PAK2: variants seen among roughly 807,000 people sequenced by gnomAD.
PAK2 encodes p21 (RAC1) activated kinase 2.
PAK2 carries 21 observed loss-of-function variants against 65.9 expected under a neutral mutation model. The ratio of observed to expected loss-of-function variants is 0.32; its 90% CI spans 0.23 to 0.46. PAK2 has a LOEUF of 0.46. Among genes scored for constraint, PAK2 ranks in the 20% least tolerant of loss-of-function variants. The pLI is 1.00. For synonymous variants in PAK2, 204 were observed against 219.7 expected, an observed-to-expected ratio of 0.93 and a Z score of 0.63; for missense variants, 324 against 642.6, an observed-to-expected ratio of 0.50 and a Z score of 5.36.
At chr3:196,755,568 C>T (rs145045266) in intron 1 of PAK2, among the ~76,000 whole-genome samples, 142 of 151,910 alleles carry the variant, frequency 9.3e-4, no homozygotes, top group African/African-American at 3.2e-3. Flanking sequence ...AAGTGACTCT[C>T]CTGCCTTAGC....
chr3:196,762,429 C>G lies in PAK2; in HGVS notation c.-21-20197C>G, dbSNP rs1354906250. ...ACCATTGAGCACTGAGTGAACGAGA[C>G]TCCGTCTGCAATCCCGGCACCTCGG... On this transcript the variant is annotated intron_variant, in intron 1 of 14. Transcript: ENST00000327134. Among the ~76,000 whole-genome samples the G allele has an allele frequency of 2.1e-5, 3 of 145,712 alleles. No homozygotes were observed. In the East Asian group the frequency reaches 6.1e-4, roughly 30 times the overall value.
chr3:196,752,195 T>A (rs1713626603), intron 1 of PAK2, among the ~76,000 whole-genome samples: 1 of 152,196 alleles, frequency 6.6e-6, no homozygotes. Flanking sequence ...ACTTAATTCC[T>A]TTTTAAGGGT....
At position 196,758,906 on chromosome 3, in the gene PAK2, C is replaced by T. The variant is rs1355604498; in HGVS notation, c.-22+18749C>T. Among the ~76,000 whole-genome samples the T allele has an allele frequency of 2.0e-5, 3 of 152,256 alleles. No individual in the cohort carries two copies. In the East Asian group the frequency reaches 5.8e-4, roughly 29 times the overall value. ...CTCCTGACCTCAAGTGATCTGCCCA[C>T]CTCAGTGTGCCAAAGTGCTGGCATT... On this transcript the variant is annotated intron_variant, in intron 1 of 14. Transcript: ENST00000327134.
At chr3:196,777,582 T>C (rs1373342292) in intron 1 of PAK2, among the ~76,000 whole-genome samples, 7 of 152,198 alleles carry the variant, frequency 4.6e-5, no homozygotes. Flanking sequence ...GGACTCTTCA[T>C]TAATGTTGAC....
At chr3:196,742,421 C>T (rs533912499) in intron 1 of PAK2, among the ~76,000 whole-genome samples, 1 of 152,126 alleles carries the variant, frequency 6.6e-6, no homozygotes, top group Non-Finnish European at 1.5e-5. Context: ...TTAAGAGAGA[C>T]TAGAACTTGT....
chr3:196,747,879 C>T (rs1322055521), intron 1 of PAK2, among the ~76,000 whole-genome samples: 1 of 152,034 alleles, frequency 6.6e-6, no homozygotes, highest in African/African-American at 2.4e-5. Flanking sequence ...ACGTTGGGAC[C>T]TTTAGATTTT....
chr3:196,806,799 C>T (rs1275257834), intron 6 of PAK2, 113 bp downstream of exon 6: 6 of 673,690 alleles, frequency 8.9e-6, no homozygotes, highest in South Asian at 3.5e-5. Flanking sequence ...AGTTTAAAAT[C>T]GTTTAGTATG....
chr3:196,809,932 C>T (rs561352808), intron 7 of PAK2, among the ~76,000 whole-genome samples: 1 of 152,008 alleles, frequency 6.6e-6, no homozygotes, highest in South Asian at 2.1e-4. Context: ...TGTCCAACTT[C>T]CTAATTTTAA....
In PAK2 at chr3:196,742,710, C is replaced by G. The variant is rs566704676; in HGVS notation, c.-22+2553C>G. On this transcript the variant is annotated intron_variant, in intron 1 of 14. Coordinates refer to ENST00000327134, the MANE Select transcript of PAK2 (RefSeq NM_002577.4). ...CGGGCGGATCACGAGGTCAGGAGAT[C>G]AAGACCATCCTGGCTAACACAGTGA... Among the ~76,000 whole-genome samples, 524 of 152,114 alleles carry G rather than the reference C, an allele frequency of 3.4e-3. 2 individuals carry two copies. Among genetic ancestry groups the G allele is most frequent in the Middle Eastern group, 3.4e-3 (1 of 292 alleles).
chr3:196,781,335 G>A (rs1315744523), intron 1 of PAK2, among the ~76,000 whole-genome samples: 2 of 152,036 alleles, frequency 1.3e-5, no homozygotes, highest in Admixed American at 6.6e-5. Context: ...TATAAGTTAC[G>A]GATCCTCTCC....
intron 1 of PAK2, among the ~76,000 whole-genome samples, chr3:196,744,306 A>C (rs1189167846): frequency 6.6e-6 from 1 of 152,244 alleles, no homozygotes; most frequent in African/African-American, 2.4e-5. Context: ...CAGCTGGCAG[A>C]ACCATTGTAA....
intron 1 of PAK2, among the ~76,000 whole-genome samples, chr3:196,741,076 A>G (rs1298167606): frequency 1.3e-5 from 2 of 152,216 alleles, no homozygotes; most frequent in Admixed American, 6.5e-5. Flanking sequence ...CTTCTGCGTT[A>G]CAGGCGATGT....
At chr3:196,815,353 A>T (rs112016363) in intron 11 of PAK2, among the ~76,000 whole-genome samples, 4 of 150,264 alleles carry the variant, frequency 2.7e-5, no homozygotes, top group Admixed American at 2.6e-4. Context: ...TTAGCCAGGC[A>T]TGGTGGTGCA....
chr3:196,762,525 T>C (rs1423533450), intron 1 of PAK2, among the ~76,000 whole-genome samples: 1 of 150,912 alleles, frequency 6.6e-6, no homozygotes, highest in African/African-American at 2.4e-5. Flanking sequence ...CGAAACCTCG[T>C]CTCCACCAAA....
chr3:196,759,105 G>A (rs930800741), intron 1 of PAK2, among the ~76,000 whole-genome samples: 4 of 152,192 alleles, frequency 2.6e-5, no homozygotes, highest in Non-Finnish European at 5.9e-5. Context: ...AAGCATAGAA[G>A]GTAGGAGGCA....
At chr3:196,768,070 C>A (rs1272680527) in intron 1 of PAK2, among the ~76,000 whole-genome samples, 1 of 151,998 alleles carries the variant, frequency 6.6e-6, no homozygotes, top group African/African-American at 2.4e-5. Context: ...TATGCTAAAA[C>A]TGGAAAAATA....
chr3:196,759,514 T>G (rs202197731), intron 1 of PAK2, among the ~76,000 whole-genome samples: 3,967 of 102,942 alleles, frequency 0.039, 199 homozygotes, highest in East Asian at 0.1. Flanking sequence ...TTTTTTTTTT[T>G]TTTTTTTTTT....
chr3:196,780,392 C>T (rs986997752), intron 1 of PAK2, among the ~76,000 whole-genome samples: 3 of 152,114 alleles, frequency 2.0e-5, no homozygotes, highest in Non-Finnish European at 4.4e-5. Context: ...TGGCGGAAGG[C>T]GAGGAGGAGC....
Position 196,831,855 on chromosome 3 carries a change from T to C in PAK2, c.*3450T>C, listed in dbSNP as rs1712100583. On this transcript the variant is annotated 3_prime_UTR_variant, in exon 15 of 15. Transcript: ENST00000327134. ...TAGCTAAAATCCAGATTAATACTCATTTGGGGTTTTTTATAGTGGAACTTC... is the reference window on the plus strand; with the variant it reads ...TAGCTAAAATCCAGATTAATACTCACTTGGGGTTTTTTATAGTGGAACTTC... 1.3e-5 allele frequency: 2 copies of C among 152,302 alleles called. No individual in the cohort carries two copies. Among genetic ancestry groups the C allele is most frequent in the South Asian group, 4.1e-4 (2 of 4,820 alleles). The allele number at this position is 152,302 out of a possible 1,614,324, so 9.4% of individuals were successfully genotyped here.
Sources: allele counts gnomAD v4.1 joint callset (sites outside exome capture counted in the v4.1 genomes callset), GRCh38; gene constraint gnomAD v4.1.1; transcripts MANE v1.5; gene names NCBI Gene and HGNC (gene_info 2026-07-23, HGNC 2026-07-21).